Variants in USP34 observed in about 807,000 individuals in gnomAD.
USP34 encodes ubiquitin specific peptidase 34, also known as ubiquitin carboxyl-terminal hydrolase 34.
USP34 carries 70 observed loss-of-function variants against 460.3 expected under a neutral mutation model. That is an observed-to-expected ratio of 0.15 (90% CI 0.13 to 0.19). USP34 has a LOEUF of 0.19. USP34 is among the 10% of genes least tolerant of loss of function. The pLI is 1.00. For synonymous variants in USP34, 1,647 were observed against 1,405.3 expected, an observed-to-expected ratio of 1.17 and a Z score of -3.85; for missense variants, 3,985 against 4,236.2, an observed-to-expected ratio of 0.94 and a Z score of 1.65.
At chr2:61,196,069 ATTTTTTT>A (rs71403398) in intron 75 of USP34, among the ~76,000 whole-genome samples, 14 of 41,576 alleles carry the variant, frequency 3.4e-4, no homozygotes, top group South Asian at 2.5e-3. Flanking sequence ...ACCATGCACG[ATTTTTTT>A]TTTTTTTTTT....
At chr2:61,279,906 G>C (rs2103954180) in intron 39 of USP34, among the ~76,000 whole-genome samples, 1 of 152,004 alleles carries the variant, frequency 6.6e-6, no homozygotes, top group South Asian at 2.1e-4. Flanking sequence ...TACGTATTTG[G>C]GACTCCAAAC....
At chr2:61,387,923 A>ATT (rs1409275789) in intron 5 of USP34, among the ~76,000 whole-genome samples, 19 of 136,418 alleles carry the variant, frequency 1.4e-4, no homozygotes, top group East Asian at 8.1e-4. Context: ...GTAAAAATAT[A>ATT]TTTATACACA....
chr2:61,438,621 AAC>A (rs1229883022), intron 1 of USP34, among the ~76,000 whole-genome samples: 1 of 50,820 alleles, frequency 2.0e-5, no homozygotes, highest in African/African-American at 2.5e-4. Context: ...CAAAAACAAA[AAC>A]AAAAAAAAAA....
intron 15 of USP34, chr2:61,346,193 T>C (rs1691761722): frequency 6.6e-6 from 1 of 152,064 alleles, no homozygotes; most frequent in Non-Finnish European, 1.5e-5. Flanking sequence ...TAATACCAAC[T>C]AGCCATATGT....
chr2:61,412,214 GAAGAAAAGAAAGAAACAGA>G (rs1393935539), intron 2 of USP34, among the ~76,000 whole-genome samples: 1 of 142,288 alleles, frequency 7.0e-6, no homozygotes, highest in Non-Finnish European at 1.5e-5. Flanking sequence ...AAAAGAAAAG[GAAGAAAAGAAAGAAACAGA>G]AAGAAAAGAA....
chr2:61,314,456 C>T (rs183046256), intron 25 of USP34, 129 bp downstream of exon 25: 2 of 800,016 alleles, frequency 2.5e-6, no homozygotes, highest in Non-Finnish European at 3.6e-6. Context: ...GTTACTGATC[C>T]TTCACTTTGG....
intron 34 of USP34, 130 bp from the exon 35 acceptor site, chr2:61,285,087 A>G (rs1272727712): frequency 3.3e-6 from 2 of 613,844 alleles, no homozygotes. Context: ...AATTATTTTG[A>G]TATTTATCTA....
Position 61,441,494 on chromosome 2 carries a change from G to T in USP34, c.44-20661C>A, listed in dbSNP as rs1277653827. ...GAGATGTCAGGAGGCCTCCTCTGGA[G>T]CCCAGGGCCACACAGCTCCCAAAGC... is the stretch of plus-strand genomic sequence containing the variant. On this transcript the variant is annotated intron_variant, in intron 1 of 79. Transcript: ENST00000398571. 2.6e-5 allele frequency among the ~76,000 whole-genome samples: 4 copies of T among 152,128 alleles called. No homozygotes were observed. In the East Asian group the frequency reaches 7.7e-4, roughly 29 times the overall value.
chr2:61,286,035 A>C (rs571424824), intron 34 of USP34, among the ~76,000 whole-genome samples: 1 of 152,348 alleles, frequency 6.6e-6, no homozygotes, highest in South Asian at 2.1e-4. Flanking sequence ...TGTGCAAATA[A>C]GCAAAAGAAG....
At chr2:61,313,451 T>C (rs1197568955) in intron 25 of USP34, among the ~76,000 whole-genome samples, 1 of 152,116 alleles carries the variant, frequency 6.6e-6, no homozygotes, top group East Asian at 1.9e-4. Flanking sequence ...TCCCACAGCA[T>C]AGAAAAAATT....
chr2:61,438,326 T>C (rs906408566), intron 1 of USP34, among the ~76,000 whole-genome samples: 4 of 151,776 alleles, frequency 2.6e-5, no homozygotes, highest in Non-Finnish European at 5.9e-5. Context: ...AAAAAAAAAC[T>C]CTAGGCCAGG....
chr2:61,452,373 A>C (rs1194365241), intron 1 of USP34, among the ~76,000 whole-genome samples: 1 of 122,318 alleles, frequency 8.2e-6, no homozygotes, highest in African/African-American at 3.2e-5. Flanking sequence ...CACCCAGGCT[A>C]GAGTGTAGTG....
chr2:61,412,236 G>T (rs1190570992), intron 2 of USP34, among the ~76,000 whole-genome samples: 3 of 129,402 alleles, frequency 2.3e-5, no homozygotes, highest in African/African-American at 6.5e-5. Flanking sequence ...GAAACAGAAA[G>T]AAAAGAAAAG....
At chr2:61,258,065 G>A (rs1018241271) in intron 44 of USP34, among the ~76,000 whole-genome samples, 3 of 152,142 alleles carry the variant, frequency 2.0e-5, no homozygotes, top group South Asian at 2.1e-4. Flanking sequence ...GTTAAAAGGA[G>A]ATTAAAGGCC....
At chr2:61,424,096 C>T (rs559855839) in intron 1 of USP34, among the ~76,000 whole-genome samples, 60 of 152,212 alleles carry the variant, frequency 3.9e-4, no homozygotes, top group African/African-American at 1.4e-3. Flanking sequence ...AAATCAGAAA[C>T]ACAATTACCA....
intron 16 of USP34, among the ~76,000 whole-genome samples, chr2:61,343,327 A>T (rs940146144): frequency 2.0e-5 from 3 of 152,002 alleles, no homozygotes; most frequent in Non-Finnish European, 4.4e-5. Flanking sequence ...TTTAAGAGTG[A>T]TTTAGACTTG....
At chr2:61,400,447 C>T (rs1336945920) in intron 3 of USP34, among the ~76,000 whole-genome samples, 1 of 152,120 alleles carries the variant, frequency 6.6e-6, no homozygotes, top group East Asian at 1.9e-4. Context: ...GAAAATGCTG[C>T]TCCATGATCA....
At chr2:61,424,275 C>T (rs892921563) in intron 1 of USP34, among the ~76,000 whole-genome samples, 1 of 152,132 alleles carries the variant, frequency 6.6e-6, no homozygotes, top group Non-Finnish European at 1.5e-5. Flanking sequence ...CTCTAGGCAA[C>T]CATAATACAA....
chr2:61,391,721 G>A (rs1374665667), intron 5 of USP34, among the ~76,000 whole-genome samples: 1 of 152,036 alleles, frequency 6.6e-6, no homozygotes, highest in Non-Finnish European at 1.5e-5. Flanking sequence ...CCCACTAGAG[G>A]AAATTACTAT....
Sources: gnomAD v4.1 joint callset for allele counts (sites outside exome capture counted in the v4.1 genomes callset) on GRCh38, gnomAD v4.1.1 for gene constraint, MANE v1.5 for transcripts, NCBI Gene and HGNC (gene_info 2026-07-23, HGNC 2026-07-21) for gene names.